The following TRIM66 variants were observed in gnomAD, a reference collection of about 807,000 sequenced individuals.
TRIM66 encodes the protein tripartite motif containing 66.
A neutral mutation model predicts 148.2 loss-of-function variants in TRIM66; 99 were observed. The ratio of observed to expected loss-of-function variants is 0.67; its 90% CI spans 0.57 to 0.79. The LOEUF is 0.79. TRIM66 is among the 30% of genes least tolerant of loss of function. The probability of loss-of-function intolerance (pLI) is 0.00; values close to 1 mark genes in which losing one functional copy is unlikely to be tolerated. For synonymous variants in TRIM66, 616 were observed against 635.9 expected, an observed-to-expected ratio of 0.97 and a Z score of 0.47; for missense variants, 1,666 against 1,697.9, an observed-to-expected ratio of 0.98 and a Z score of 0.33.
upstream of TRIM66, chr11:8,682,827 C>A (rs757832886): frequency 6.2e-7 from 1 of 1,611,458 alleles, no homozygotes; most frequent in South Asian, 1.1e-5. Flanking sequence ...GTAGGTGTTT[C>A]GTTTCTTGCC....
At chr11:8,681,744 A>G (rs2039438929) in intron 1 of TRIM66, among the ~76,000 whole-genome samples, 1 of 152,112 alleles carries the variant, frequency 6.6e-6, no homozygotes, top group Non-Finnish European at 1.5e-5. Context: ...GTCCTTGACC[A>G]CATAAGGAAT....
At position 8,640,383 on chromosome 11, in the gene TRIM66, CT is replaced by C; in HGVS notation, c.1991del (p.Lys664ArgfsTer16). On this transcript the variant is annotated frameshift_variant, in exon 14 of 25. Transcript: ENST00000646038. LOFTEE classifies it high-confidence loss of function. Reference sequence around the variant, plus strand: ...GAGCCTGGAGAAGAAGCTCCAAGTCCTTCTGCATTTCCTCCAGCTCAAACTT... The same window carrying C: ...GAGCCTGGAGAAGAAGCTCCAAGTCCTCTGCATTTCCTCCAGCTCAAACTT... ...HHKFELEEMQ[K>X]DLELLLQAQQ... is the part of the protein sequence containing the mutation. 1 of 1,551,874 alleles carries C rather than the reference CT, an allele frequency of 6.4e-7. No homozygotes were observed. Among genetic ancestry groups the C allele is most frequent in the Non-Finnish European group, 8.7e-7 (1 of 1,147,030 alleles).
intron 15 of TRIM66, among the ~76,000 whole-genome samples, chr11:8,625,586 A>G (rs2034764171): frequency 6.6e-6 from 1 of 151,648 alleles, no homozygotes; most frequent in African/African-American, 2.4e-5. Context: ...ACACACAGCC[A>G]TATCCCTCAC....
chr11:8,621,697 C>A lies in TRIM66; in HGVS notation c.3203G>T (p.Ser1068Ile). 1 of 1,551,536 alleles carries A rather than the reference C, an allele frequency of 6.4e-7. No individual in the cohort carries two copies. The highest frequency in any genetic ancestry group is 8.7e-7 in the Non-Finnish European group (1 of 1,146,872). ...GCCACACTCGATGATCAGCAGGAAGCTCCCATCCTGATCATTCTTCTGTGG... is the reference window on the plus strand; with the variant it reads ...GCCACACTCGATGATCAGCAGGAAGATCCCATCCTGATCATTCTTCTGTGG... ...LKPQKNDQDGSFLLIIECGTE... is the reference protein window; with the variant it reads ...LKPQKNDQDGIFLLIIECGTE... The change falls in exon 19 of 25, where the codon AGC (serine) becomes ATC (isoleucine). Residue 1068 changes from serine (S) to isoleucine (I), a missense_variant. Around this residue, in one of 3 missense-constraint regions of TRIM66, gnomAD observed 1,431 missense variants for 1,412.4 expected, o/e 1.01. Coordinates refer to ENST00000646038, the MANE Select transcript of TRIM66 (RefSeq NM_001388022.1).
intron 15 of TRIM66, among the ~76,000 whole-genome samples, chr11:8,628,301 GA>G (rs1340755149): frequency 1.3e-5 from 2 of 151,690 alleles, no homozygotes; most frequent in African/African-American, 4.8e-5. Context: ...ATTTGATGTA[GA>G]TTTTTTTATA....
chr11:8,619,484 G>A lies in TRIM66; in HGVS notation c.3799C>T (p.Arg1267Trp), dbSNP rs749949343. 2.6e-5 allele frequency: 41 copies of A among 1,551,098 alleles called. No individual in the cohort carries two copies. Among genetic ancestry groups the A allele is most frequent in the South Asian group, 2.5e-4 (21 of 83,986 alleles). Residue 1267 changes from arginine to tryptophan, a missense_variant, in exon 23 of 25, where the codon CGG (arginine) becomes TGG (tryptophan). By Grantham distance (101) the Arg-to-Trp change is moderately radical (BLOSUM62 -3). Coordinates refer to ENST00000646038, the MANE Select transcript of TRIM66 (RefSeq NM_001388022.1). ...GGGTCCTTCTTTTGCAGCTTCCTCC[G>A]GATGATTGACAGGTCCATGGGCCTC... ...IKRPMDLSII[R>W]RKLQKKDPAH... is the part of the protein sequence containing the mutation.
At chr11:8,633,625 C>T (rs528182039) in intron 15 of TRIM66, among the ~76,000 whole-genome samples, 56 of 152,228 alleles carry the variant, frequency 3.7e-4, no homozygotes, top group African/African-American at 1.3e-3. Flanking sequence ...CAGCAGGCCC[C>T]GGGAACATTC....
In TRIM66 at chr11:8,640,588, T is replaced by C; in HGVS notation, c.1787A>G (p.Gln596Arg). The C allele has an allele frequency of 1.9e-6, 3 of 1,551,130 alleles. No individual in the cohort carries two copies. Among genetic ancestry groups the C allele is most frequent in the Non-Finnish European group, 2.6e-6 (3 of 1,146,916 alleles). Residue 596 changes from glutamine (Q) to arginine (R), a missense_variant, in exon 14 of 25, where the codon CAG (glutamine) becomes CGG (arginine). Transcript: ENST00000646038. ...AGGTGGTAGCTGCTGCTGTGGCTGC[T>C]GCTGAAAGTGACTGAGCTTCAGCTT... ...HQKLKLSHFQ[Q>R]QPQQQLPPPP...
At chr11:8,625,513 G>C (rs887693986) in intron 15 of TRIM66, among the ~76,000 whole-genome samples, 2 of 139,100 alleles carry the variant, frequency 1.4e-5, no homozygotes, top group Non-Finnish European at 3.2e-5. Context: ...GAGTGAGAAG[G>C]AGAACTTATT....
rs1326813492 is a variant in TRIM66 at position 8,640,426 on chromosome 11, A to G, written c.1949T>C (p.Met650Thr). 15 of 1,551,224 alleles carry G rather than the reference A, an allele frequency of 9.7e-6. No homozygotes were observed. Among genetic ancestry groups the G allele is most frequent in the Non-Finnish European group, 1.1e-5 (13 of 1,146,894 alleles). The change falls in exon 14 of 25, where the codon ATG becomes ACG. Residue 650 changes from methionine (M) to threonine (T), a missense_variant. Physicochemically the swap from Met to Thr is moderately conservative, Grantham distance 81. Coordinates refer to ENST00000646038, the MANE Select transcript of TRIM66 (RefSeq NM_001388022.1). ...CTCAAACTTGTGATGCATTATGTCC[A>G]TGTTCTGAGAACAGGCAGGGCCAGG... Reference protein sequence around the residue: ...SPPGPACSQNMDIMHHKFELE... With the variant: ...SPPGPACSQNTDIMHHKFELE...
At chr11:8,645,506 G>A (rs566367141) in intron 12 of TRIM66, among the ~76,000 whole-genome samples, 9 of 152,338 alleles carry the variant, frequency 5.9e-5, no homozygotes, top group African/African-American at 2.2e-4. Flanking sequence ...GGGAGGGCAG[G>A]ACCATTTCAG....
intron 18 of TRIM66, 98 bp downstream of exon 18, chr11:8,622,718 C>T: frequency 8.6e-7 from 1 of 1,158,178 alleles, no homozygotes; most frequent in Non-Finnish European, 1.3e-6. Flanking sequence ...CAAATTTCTT[C>T]CACTTGTAGT....
intron 6 of TRIM66, among the ~76,000 whole-genome samples, chr11:8,670,138 G>A (rs529480238): frequency 5.4e-4 from 82 of 151,424 alleles, no homozygotes; most frequent in African/African-American, 2.0e-3. Flanking sequence ...TCAGCCTCCC[G>A]AGTAGCTGGG....
At chr11:8,657,949 G>T (rs371577089) in intron 6 of TRIM66, among the ~76,000 whole-genome samples, 15 of 152,252 alleles carry the variant, frequency 9.9e-5, no homozygotes, top group Non-Finnish European at 1.9e-4. Context: ...AGAAGTCAGA[G>T]AAGCGACAGG....
rs146966810 is a variant in TRIM66, at chr11:8,630,697, G to A, written c.2311-5469C>T. ...CCCTTCCCCCAAACTGTGTGTCCCC[G>A]TCCCTGTCCCTTTCCTCTTGCCTCT... On this transcript the variant is annotated intron_variant, in intron 15 of 24. Coordinates refer to ENST00000646038, the MANE Select transcript of TRIM66 (RefSeq NM_001388022.1). 9.9e-3 allele frequency among the ~76,000 whole-genome samples: 1,506 copies of A among 151,940 alleles called. 15 individuals are homozygous for A. Among genetic ancestry groups the A allele is most frequent in the African/African-American group, 0.033 (1,375 of 41,406 alleles).
chr11:8,673,971 T>C (rs2039063528), intron 4 of TRIM66, among the ~76,000 whole-genome samples: 2 of 152,234 alleles, frequency 1.3e-5, no homozygotes, highest in African/African-American at 4.8e-5. Flanking sequence ...TCCAGAAAGA[T>C]GCCACTACAT....
chr11:8,621,059 T>C lies in TRIM66; in HGVS notation c.3518A>G (p.His1173Arg). 1 of 1,551,666 alleles carries C rather than the reference T, an allele frequency of 6.4e-7. No individual in the cohort carries two copies. Among genetic ancestry groups the C allele is most frequent in the Non-Finnish European group, 8.7e-7 (1 of 1,146,952 alleles). The change falls in exon 20 of 25, where the codon CAT becomes CGT. Residue 1173 changes from histidine to arginine, a missense_variant. Physicochemically the swap from His to Arg is conservative, Grantham distance 29 (BLOSUM62 0). This residue lies in a region of TRIM66 where 31 missense variants were observed against 54.4 expected (regional missense o/e 0.57). Coordinates refer to ENST00000646038, the MANE Select transcript of TRIM66 (RefSeq NM_001388022.1). Reference protein sequence around the residue: ...RCPKVFHLSCHVPALLSFPGG... With the variant: ...RCPKVFHLSCRVPALLSFPGG... ...TGGGAAGCTGAGCAAGGCTGGCACA[T>C]GGCAGGAGAGGTGGAACACTTTGGG...
intron 6 of TRIM66, among the ~76,000 whole-genome samples, chr11:8,654,929 C>T (rs913993439): frequency 1.6e-4 from 24 of 152,070 alleles, no homozygotes; most frequent in African/African-American, 5.1e-4. Flanking sequence ...GGCACAATCT[C>T]GGCTCACTGC....
chr11:8,638,708 A>T lies in TRIM66; in HGVS notation c.2256T>A (p.Ser752Arg). 6.5e-7 allele frequency: 1 copy of T among 1,549,758 alleles called. No homozygotes were observed. Among genetic ancestry groups the T allele is most frequent in the Non-Finnish European group, 8.7e-7 (1 of 1,146,244 alleles). The change falls in exon 15 of 25, where the codon AGT (serine) becomes AGA (arginine). Residue 752 changes from serine to arginine, a missense_variant. Physicochemically the swap from Ser to Arg is moderately radical, Grantham distance 110. Transcript: ENST00000646038. ...GGATGGTGCTGTCCACTGGGGGGAC[A>T]CTGAGAGGGGTTTCTTCCCCAGACG... is the stretch of plus-strand genomic sequence containing the variant. The part of the protein sequence containing the change: ...PQASGEETPL[S>R]VPPVDSTIQH...
Sources: gnomAD v4.1 joint callset for allele counts (sites outside exome capture counted in the v4.1 genomes callset) on GRCh38, gnomAD v4.1.1 for gene constraint, gnomAD v4.1.1 regional missense constraint, MANE v1.5 for transcripts, NCBI Gene and HGNC (gene_info 2026-07-23, HGNC 2026-07-21) for gene names.